The following RNF11 variants were observed in gnomAD, a reference collection of about 807,000 sequenced individuals.
RNF11 encodes the protein ring finger protein 11.
A neutral mutation model predicts 15.8 loss-of-function variants in RNF11; 4 were observed. That is an observed-to-expected ratio of 0.25 (90% CI 0.12 to 0.58). The LOEUF (loss-of-function observed/expected upper bound fraction) is 0.58, where lower values mean the gene tolerates loss of function less well. Among genes scored for constraint, RNF11 ranks in the 20% least tolerant of loss-of-function variants. The pLI, the probability that RNF11 is intolerant of heterozygous loss-of-function variation, is 0.91. For synonymous variants in RNF11, 68 were observed against 72.3 expected, an observed-to-expected ratio of 0.94 and a Z score of 0.30; for missense variants, 139 against 194.4, an observed-to-expected ratio of 0.71 and a Z score of 1.70.
At chr1:51,268,079 C>T (rs1375141004) in intron 1 of RNF11, among the ~76,000 whole-genome samples, 1 of 152,208 alleles carries the variant, frequency 6.6e-6, no homozygotes. Flanking sequence ...TAATCTTCTA[C>T]TCACTCAGTG....
chr1:51,259,132 AAGTCT>A (rs1339148911), intron 1 of RNF11, among the ~76,000 whole-genome samples: 2 of 152,184 alleles, frequency 1.3e-5, no homozygotes, highest in Non-Finnish European at 2.9e-5. Context: ...ACGTTTAGCA[AAGTCT>A]AGAGACATTT....
intron 1 of RNF11, among the ~76,000 whole-genome samples, chr1:51,246,263 C>G (rs761099610): frequency 2.6e-5 from 4 of 151,734 alleles, no homozygotes; most frequent in Non-Finnish European, 5.9e-5. Context: ...GAAACTCCAT[C>G]TCAACAACAA....
In RNF11 at chr1:51,271,422, G is replaced by A; in HGVS notation, c.*100G>A. The A allele has an allele frequency of 1.0e-6, 1 of 978,814 alleles. No individual in the cohort carries two copies. Among genetic ancestry groups the A allele is most frequent in the Non-Finnish European group, 1.4e-6 (1 of 695,020 alleles). The allele number at this position is 978,814 out of a possible 1,614,324, so 60.6% of individuals were successfully genotyped here. ...GCCAGGGATTAGGAATTAAGATCGT[G>A]CACAAAAGTTTCCTTAAAATTCCTG... On this transcript the variant is annotated 3_prime_UTR_variant, in exon 3 of 3. Transcript: ENST00000242719.
chr1:51,239,775 G>T (rs1255874006), intron 1 of RNF11, among the ~76,000 whole-genome samples: 1 of 152,204 alleles, frequency 6.6e-6, no homozygotes, highest in Non-Finnish European at 1.5e-5. Context: ...GTAATTAACA[G>T]TGAATAGCTG....
At chr1:51,260,571 T>A (rs1190559889) in intron 1 of RNF11, among the ~76,000 whole-genome samples, 1 of 152,182 alleles carries the variant, frequency 6.6e-6, no homozygotes, top group Non-Finnish European at 1.5e-5. Flanking sequence ...TACGTTATTA[T>A]ACCCTGGAGG....
At chr1:51,248,492 G>A (rs1426846637) in intron 1 of RNF11, among the ~76,000 whole-genome samples, 1 of 152,084 alleles carries the variant, frequency 6.6e-6, no homozygotes, top group Non-Finnish European at 1.5e-5. Flanking sequence ...GTCAGCCACG[G>A]CGCCCGGCCT....
chr1:51,251,083 A>T (rs1424336671), intron 1 of RNF11: 2 of 1,546,770 alleles, frequency 1.3e-6, no homozygotes, highest in Non-Finnish European at 1.8e-6. Context: ...TGGCCATTGT[A>T]GTCCCCGATA....
chr1:51,269,094 T>C (rs1480002463), intron 1 of RNF11, among the ~76,000 whole-genome samples: 2 of 152,244 alleles, frequency 1.3e-5, no homozygotes, highest in Non-Finnish European at 2.9e-5. Flanking sequence ...TGAAATCTTA[T>C]AATTTAATTC....
At chr1:51,238,218 A>G (rs1307662502) in intron 1 of RNF11, among the ~76,000 whole-genome samples, 1 of 152,178 alleles carries the variant, frequency 6.6e-6, no homozygotes, top group African/African-American at 2.4e-5. Context: ...TCATGTCTGA[A>G]GTCCCAGCAT....
At chr1:51,255,309 T>G (rs1221320004) in intron 1 of RNF11, among the ~76,000 whole-genome samples, 9 of 152,294 alleles carry the variant, frequency 5.9e-5, no homozygotes, top group Admixed American at 3.9e-4. Flanking sequence ...TGCCCATGCT[T>G]GAGTGCAGTG....
intron 1 of RNF11, among the ~76,000 whole-genome samples, chr1:51,253,662 G>T (rs1646891515): frequency 6.6e-6 from 1 of 152,092 alleles, no homozygotes; most frequent in Non-Finnish European, 1.5e-5. Flanking sequence ...AGGGATGTAG[G>T]TAAATGGATA....
At chr1:51,267,376 TAGG>T (rs1646959184) in intron 1 of RNF11, among the ~76,000 whole-genome samples, 1 of 152,186 alleles carries the variant, frequency 6.6e-6, no homozygotes, top group Non-Finnish European at 1.5e-5. Context: ...GGTGATTCAA[TAGG>T]AGGGCTCTTA....
intron 2 of RNF11, 41 bp from the exon 3 acceptor site, chr1:51,271,110 T>G: frequency 6.4e-7 from 1 of 1,571,162 alleles, no homozygotes; most frequent in Non-Finnish European, 8.8e-7. Flanking sequence ...ATAGGACACT[T>G]CTGAAAATGC....
intron 1 of RNF11, among the ~76,000 whole-genome samples, chr1:51,257,142 C>T (rs1159244347): frequency 6.6e-6 from 1 of 152,120 alleles, no homozygotes; most frequent in Non-Finnish European, 1.5e-5. Flanking sequence ...TACCTCCCAC[C>T]CACCTTATCT....
chr1:51,245,120 C>T (rs1223692884), intron 1 of RNF11, among the ~76,000 whole-genome samples: 1 of 152,218 alleles, frequency 6.6e-6, no homozygotes, highest in African/African-American at 2.4e-5. Flanking sequence ...AATGTAGTGG[C>T]ATGGTCACGG....
intron 1 of RNF11, among the ~76,000 whole-genome samples, chr1:51,247,658 C>T (rs1055446984): frequency 2.2e-4 from 33 of 152,076 alleles, no homozygotes; most frequent in Non-Finnish European, 3.8e-4. Context: ...TTTGCTTGAC[C>T]TATTGATTTT....
chr1:51,237,302 C>T (rs1400962203), intron 1 of RNF11, among the ~76,000 whole-genome samples: 3 of 151,952 alleles, frequency 2.0e-5, no homozygotes, highest in Non-Finnish European at 2.9e-5. Flanking sequence ...GTGTGGTCGT[C>T]CTCTTACCCA....
intron 1 of RNF11, among the ~76,000 whole-genome samples, chr1:51,248,096 C>CT (rs1157196813): frequency 0.053 from 4,883 of 91,466 alleles, 161 homozygotes; most frequent in African/African-American, 0.13. Flanking sequence ...CTAGTTTCTT[C>CT]TTTTTTTTTT....
chr1:51,250,643 T>C, intron 1 of RNF11: 1 of 791,932 alleles, frequency 1.3e-6, no homozygotes, highest in South Asian at 1.5e-5. Context: ...GCACGGAGAC[T>C]CTGGCGTGGG....
Sources: gnomAD v4.1 joint callset for allele counts (sites outside exome capture counted in the v4.1 genomes callset) on GRCh38, gnomAD v4.1.1 for gene constraint, MANE v1.5 for transcripts, NCBI Gene and HGNC (gene_info 2026-07-23, HGNC 2026-07-21) for gene names.